OTUD5: variants seen among roughly 807,000 people sequenced by gnomAD.
The protein encoded by OTUD5 is OTU domain-containing protein 5.
Under a neutral mutation model 36.3 loss-of-function variants are expected in OTUD5, and 2 were observed. The ratio of observed to expected loss-of-function variants is 0.06; its 90% CI spans 0.02 to 0.17. The LOEUF is 0.17. Ranked by LOEUF, OTUD5 falls within the 10% of genes least tolerant of loss-of-function variation. The pLI, the probability that OTUD5 is intolerant of heterozygous loss-of-function variation, is 1.00. For synonymous variants in OTUD5, 234 were observed against 214.9 expected, an observed-to-expected ratio of 1.09 and a Z score of -0.78; for missense variants, 233 against 512.3, an observed-to-expected ratio of 0.45 and a Z score of 5.26.
intron 1 of OTUD5, among the ~76,000 whole-genome samples, chrX:48,947,658 G>A (rs1349041172): frequency 2.8e-5 from 3 of 105,861 alleles, no homozygotes; most frequent in African/African-American, 1.0e-4. Flanking sequence ...AGCCAAGATC[G>A]CACCATTGCA....
intron 5 of OTUD5, among the ~76,000 whole-genome samples, chrX:48,930,779 G>A (rs2063739930): frequency 9.0e-6 from 1 of 110,755 alleles, no homozygotes; most frequent in South Asian, 3.8e-4. Context: ...TGCCCAACAT[G>A]GTGAAACCCC....
intron 2 of OTUD5, chrX:48,940,728 C>T (rs1287521839): frequency 8.9e-6 from 1 of 111,781 alleles, no homozygotes; most frequent in Non-Finnish European, 1.9e-5. Context: ...AGGAGGTTAT[C>T]TGAGCATAAC....
At chrX:48,951,655 T>C (rs781946642) in intron 1 of OTUD5, among the ~76,000 whole-genome samples, 23 of 109,399 alleles carry the variant, frequency 2.1e-4, no homozygotes, top group African/African-American at 5.3e-4. Flanking sequence ...ACGAGGAACA[T>C]AGACACACTA....
At chrX:48,942,727 T>A (rs372310379) in intron 2 of OTUD5, among the ~76,000 whole-genome samples, 51 of 108,643 alleles carry the variant, frequency 4.7e-4, no homozygotes, top group African/African-American at 1.6e-3. Context: ...AACAAACACA[T>A]GTGACTCTGA....
intron 1 of OTUD5, among the ~76,000 whole-genome samples, chrX:48,952,594 T>C (rs1300641770): frequency 1.8e-5 from 2 of 112,053 alleles, no homozygotes; most frequent in African/African-American, 6.5e-5. Context: ...CACTTAAAAC[T>C]TTCATGAAGG....
Position 48,924,017 on chromosome X carries a change from T to C in OTUD5, c.1299A>G (p.Thr433=), listed in dbSNP as rs1557047107. The change falls in exon 7 of 9, where the codon ACA becomes ACG. Residue 433 remains threonine (T), a synonymous_variant. Coordinates refer to ENST00000376488, the MANE Select transcript of OTUD5 (RefSeq NM_001136157.2). ...CCTCCAGGCCACTGGAGGCTGCTGC[T>C]GTGGCCGAACTGCATGTGGCGCTGG... ...RKASATCSSA[T]AAASSGLEEW... The C allele has an allele frequency of 8.3e-7, 1 of 1,208,230 alleles. No homozygotes were observed. The highest frequency in any genetic ancestry group is 2.2e-5 in the Admixed American group (1 of 45,688).
chrX:48,922,857 T>G lies in OTUD5; in HGVS notation c.*317A>C. 2.4e-6 allele frequency: 2 copies of G among 842,225 alleles called. No individual in the cohort carries two copies. Among genetic ancestry groups the G allele is most frequent in the Non-Finnish European group, 1.4e-6 (1 of 693,932 alleles). The allele number at this position is 842,225 out of a possible 1,213,427, so 69.4% of individuals were successfully genotyped here. On this transcript the variant is annotated 3_prime_UTR_variant, in exon 9 of 9. Transcript: ENST00000376488. ...TCCTCTGGGGCTGCCTGGCTGCCAG[T>G]TGGTCTGTCTCTGTGTGCCTCTTGT...
chrX:48,949,228 T>C (rs2064087509), intron 1 of OTUD5, among the ~76,000 whole-genome samples: 1 of 111,775 alleles, frequency 8.9e-6, no homozygotes, highest in Non-Finnish European at 1.9e-5. Flanking sequence ...CTAACCCCCC[T>C]GGAACTTGTA....
Position 48,957,582 on chromosome X carries a change from C to T in OTUD5, c.-12G>A, listed in dbSNP as rs2064274562. ...GGGAGTATAGTCATGGCTGCACTGC[C>T]GAGTACCCCCCAACAAACCCGGCGC... On this transcript the variant is annotated 5_prime_UTR_variant, in exon 1 of 9. Transcript: ENST00000376488. The T allele has an allele frequency of 2.4e-6, 2 of 838,057 alleles. No homozygotes were observed. Among genetic ancestry groups the T allele is most frequent in the Non-Finnish European group, 2.9e-6 (2 of 684,732 alleles). 69.1% of individuals were successfully genotyped at this position (838,057 alleles called of 1,213,427 possible).
In OTUD5 at chrX:48,925,278, C is replaced by CA. The variant is rs781953573; in HGVS notation, c.1263+568dup. ...GGGCGACAGAGCAAGACTCTGTCTCCAAAAAAAAAAAAAAAAAAAAACTCA... is the reference window on the plus strand; with the variant it reads ...GGGCGACAGAGCAAGACTCTGTCTCCAAAAAAAAAAAAAAAAAAAAAACTCA... On this transcript the variant is annotated intron_variant, in intron 6 of 8. Coordinates refer to ENST00000376488, the MANE Select transcript of OTUD5 (RefSeq NM_001136157.2). Among the ~76,000 whole-genome samples the CA allele has an allele frequency of 2.3e-3, 90 of 39,213 alleles. 1 individual carries two copies. Among genetic ancestry groups the CA allele is most frequent in the African/African-American group, 6.1e-3 (74 of 12,046 alleles). The allele number at this position is 39,213 out of a possible 115,157, so 34.1% of individuals were successfully genotyped here.
rs2063602273 is a variant in OTUD5 at position 48,922,854 on chromosome X, C to T, written c.*320G>A. On this transcript the variant is annotated 3_prime_UTR_variant, in exon 9 of 9. Transcript: ENST00000376488. ...CTCTCCTCTGGGGCTGCCTGGCTGCCAGTTGGTCTGTCTCTGTGTGCCTCT... is the reference window on the plus strand; with the variant it reads ...CTCTCCTCTGGGGCTGCCTGGCTGCTAGTTGGTCTGTCTCTGTGTGCCTCT... 2.4e-6 allele frequency: 2 copies of T among 845,732 alleles called. No homozygotes were observed. Among genetic ancestry groups the T allele is most frequent in the Non-Finnish European group, 2.9e-6 (2 of 697,489 alleles). The allele number at this position is 845,732 out of a possible 1,213,427, so 69.7% of individuals were successfully genotyped here. A position where few individuals can be genotyped will look rare whatever the true frequency, so the allele number is the denominator to read the frequency against.
chrX:48,945,352 G>C (rs2064007736), intron 1 of OTUD5, among the ~76,000 whole-genome samples: 1 of 97,846 alleles, frequency 1.0e-5, no homozygotes, highest in African/African-American at 3.9e-5. Flanking sequence ...CTCACTGCAA[G>C]CTCTGCCTCC....
intron 1 of OTUD5, 29 bp downstream of exon 1, chrX:48,956,948 C>T: frequency 9.0e-7 from 1 of 1,110,080 alleles, no homozygotes; most frequent in East Asian, 3.6e-5. Context: ...TCTGCCGTGG[C>T]CGCTCACCCC....
At chrX:48,954,386 G>A (rs782625362) in intron 1 of OTUD5, among the ~76,000 whole-genome samples, 7 of 110,733 alleles carry the variant, frequency 6.3e-5, no homozygotes, top group Non-Finnish European at 1.9e-5. Flanking sequence ...GGGATGTATC[G>A]CAAGGGAGGG....
chrX:48,931,527 C>T (rs1479375426), intron 5 of OTUD5, among the ~76,000 whole-genome samples: 1 of 112,102 alleles, frequency 8.9e-6, no homozygotes, highest in Non-Finnish European at 1.9e-5. Context: ...GCCTGTAATC[C>T]CAGCACTTTG....
intron 5 of OTUD5, among the ~76,000 whole-genome samples, chrX:48,930,653 G>A (rs782065723): frequency 3.6e-5 from 4 of 111,564 alleles, no homozygotes; most frequent in Admixed American, 9.6e-5. Flanking sequence ...ACATGCCAGG[G>A]CTCTCTAAAG....
At chrX:48,943,909 A>G (rs1450447895) in intron 2 of OTUD5, among the ~76,000 whole-genome samples, 2 of 112,263 alleles carry the variant, frequency 1.8e-5, no homozygotes, top group Non-Finnish European at 1.9e-5. Context: ...CACCTAGCTT[A>G]GAGGGGAATC....
chrX:48,957,650 T>C, upstream of OTUD5: 3 of 788,108 alleles, frequency 3.8e-6, no homozygotes, highest in South Asian at 1.8e-4. Context: ...GCTAGTGTAG[T>C]GCGCGAGGCA....
upstream of OTUD5, chrX:48,957,908 G>A (rs949091989): frequency 8.4e-5 from 51 of 603,951 alleles, no homozygotes; most frequent in Admixed American, 8.7e-5. Context: ...ACCAAAACAA[G>A]CACCTCTTCG....
Sources: allele counts gnomAD v4.1 joint callset (sites outside exome capture counted in the v4.1 genomes callset), GRCh38; gene constraint gnomAD v4.1.1; transcripts MANE v1.5; gene names NCBI Gene and HGNC (gene_info 2026-07-23, HGNC 2026-07-21).